Variants in LMNTD1 observed in about 807,000 individuals in gnomAD.
LMNTD1 encodes lamin tail domain containing 1, also known as lamin tail domain-containing protein 1.
A neutral mutation model predicts 50.9 loss-of-function variants in LMNTD1; 35 were observed. That is an observed-to-expected ratio of 0.69 (90% CI 0.53 to 0.91). The LOEUF is 0.91. Ranked by LOEUF, LMNTD1 falls within the 40% of genes least tolerant of loss-of-function variation. The probability of loss-of-function intolerance (pLI) is 0.00; values close to 1 mark genes in which losing one functional copy is unlikely to be tolerated. For synonymous variants in LMNTD1, 153 were observed against 161.9 expected (o/e 0.94, Z 0.42); for missense variants, 470 against 475.5 (o/e 0.99, Z 0.11).
At position 25,634,397 on chromosome 12, in the gene LMNTD1, G is replaced by C. The variant is rs531716368; in HGVS notation, c.58+14097C>G. 6.6e-5 allele frequency among the ~76,000 whole-genome samples: 10 copies of C among 152,196 alleles called. No individual in the cohort carries two copies. In the East Asian group the frequency reaches 1.9e-3, roughly 29 times the overall value. ...GACATAACCAAAAAAGAAAACTACA[G>C]ACCGATATCCTTGATGAACATAGAT... On this transcript the variant is annotated intron_variant, in intron 1 of 7. Coordinates refer to the LMNTD1 transcript ENST00000445693.
chr12:25,516,608 T>A (rs1443015197), intron 8 of LMNTD1, among the ~76,000 whole-genome samples: 2 of 152,196 alleles, frequency 1.3e-5, no homozygotes, highest in African/African-American at 4.8e-5. Context: ...TTCACACACA[T>A]GCACAGAGTT....
intron 4 of LMNTD1, among the ~76,000 whole-genome samples, chr12:25,535,969 T>C (rs1218870322): frequency 2.1e-5 from 3 of 139,862 alleles, no homozygotes; most frequent in Non-Finnish European, 1.6e-5. Flanking sequence ...ACAAAGAATA[T>C]TGCCAGGATA....
At chr12:25,571,674 T>C (rs535795155) in intron 1 of LMNTD1, among the ~76,000 whole-genome samples, 2 of 151,824 alleles carry the variant, frequency 1.3e-5, no homozygotes, top group African/African-American at 4.8e-5. Context: ...TTTCAAAAAA[T>C]ATTTATTTAT....
At chr12:25,590,605 C>A (rs1184817945) in intron 1 of LMNTD1, among the ~76,000 whole-genome samples, 2 of 152,172 alleles carry the variant, frequency 1.3e-5, no homozygotes, top group Non-Finnish European at 2.9e-5. Flanking sequence ...CCTTCCTTAG[C>A]CCCAGGCTGC....
intron 1 of LMNTD1, among the ~76,000 whole-genome samples, chr12:25,627,883 G>A (rs1271189268): frequency 6.6e-6 from 1 of 151,966 alleles, no homozygotes; most frequent in Non-Finnish European, 1.5e-5. Flanking sequence ...GCCGAGACGG[G>A]CGGATCACGA....
chr12:25,567,597 G>A (rs972452674), intron 1 of LMNTD1, among the ~76,000 whole-genome samples: 2 of 152,170 alleles, frequency 1.3e-5, no homozygotes, highest in Non-Finnish European at 2.9e-5. Flanking sequence ...CTCGTGAATG[G>A]TTTAGCAGCA....
At chr12:25,620,778 C>A (rs1161261230) in intron 1 of LMNTD1, among the ~76,000 whole-genome samples, 1 of 152,236 alleles carries the variant, frequency 6.6e-6, no homozygotes, top group Non-Finnish European at 1.5e-5. Context: ...GTAGCTACTA[C>A]TGTTTAGCTT....
At chr12:25,490,301 G>T (rs920494748) in intron 9 of LMNTD1, among the ~76,000 whole-genome samples, 1 of 149,316 alleles carries the variant, frequency 6.7e-6, no homozygotes, top group Admixed American at 6.8e-5. Flanking sequence ...TTCAAAGAGG[G>T]TCTATTGACC....
rs113479355 is a variant in LMNTD1, at chr12:25,617,371, C to T, written c.58+31123G>A. 3.5e-4 allele frequency among the ~76,000 whole-genome samples: 53 copies of T among 152,290 alleles called. 2 individuals are homozygous for T. Among genetic ancestry groups the T allele is most frequent in the African/African-American group, 1.2e-3 (50 of 41,552 alleles). On this transcript the variant is annotated intron_variant, in intron 1 of 7. Transcript: ENST00000445693. ...GAGGTGCCACCAAAACCAGACACTT[C>T]ACTGACATCAGTCAAACCTATAAGG...
At chr12:25,601,604 C>T (rs180779336) in intron 1 of LMNTD1, among the ~76,000 whole-genome samples, 2 of 151,802 alleles carry the variant, frequency 1.3e-5, no homozygotes, top group African/African-American at 2.4e-5. Context: ...CTACTATGTA[C>T]CCACAAAAAT....
In LMNTD1 at chr12:25,506,712, G is replaced by GTACA. The variant is rs1487915308; in HGVS notation, c.1190-2916_1190-2913dup. Among the ~76,000 whole-genome samples, 3 of 149,700 alleles carry GTACA rather than the reference G, an allele frequency of 2.0e-5. No homozygotes were observed. In the East Asian group the frequency reaches 5.9e-4, roughly 29 times the overall value. On this transcript the variant is annotated intron_variant, in intron 8 of 9. Transcript: ENST00000458174. ...TGCCTTTGTGCTCTAACAGCTCCTG[G>GTACA]TACATACTAGATTCTATCAAAAAAT...
rs190893093 is a variant in LMNTD1, at chr12:25,550,508, C to T, written c.90-962G>A. On this transcript the variant is annotated intron_variant, in intron 2 of 9. Transcript: ENST00000458174. Reference sequence around the variant, plus strand: ...GACAAATGGCCAGTTCAGCCATCCCCTTTCTGGGGGTCCACATATCTATCC... The same window carrying T: ...GACAAATGGCCAGTTCAGCCATCCCTTTTCTGGGGGTCCACATATCTATCC... Among the ~76,000 whole-genome samples the T allele has an allele frequency of 6.6e-5, 10 of 152,308 alleles. No homozygotes were observed. In the East Asian group the frequency reaches 1.9e-3, roughly 29 times the overall value.
At chr12:25,556,463 T>A (rs1156688656), upstream of LMNTD1, among the ~76,000 whole-genome samples, 1 of 152,218 alleles carries the variant, frequency 6.6e-6, no homozygotes, top group East Asian at 1.9e-4. Flanking sequence ...CTGTTTCTGC[T>A]TTACTCTTGT....
At chr12:25,583,344 A>AAC (rs11376398) in intron 1 of LMNTD1, among the ~76,000 whole-genome samples, 1 of 151,766 alleles carries the variant, frequency 6.6e-6, no homozygotes, top group Non-Finnish European at 1.5e-5. Flanking sequence ...TTTTTAAAAA[A>AAC]TTTTAGTAGA....
exon 1 of LMNTD1, chr12:25,648,495 G>T (rs1303382759): frequency 6.4e-7 from 1 of 1,551,248 alleles, no homozygotes; most frequent in Non-Finnish European, 8.7e-7. Flanking sequence ...CTCACTTACT[G>T]TGGTGGGTCT....
chr12:25,519,444 C>T (rs568456335), intron 7 of LMNTD1, among the ~76,000 whole-genome samples: 158 of 151,654 alleles, frequency 1.0e-3, no homozygotes, highest in African/African-American at 3.7e-3. Flanking sequence ...AAAAATTAGC[C>T]GGGCGTGGTG....
chr12:25,502,525 A>G (rs1939449764), intron 9 of LMNTD1, among the ~76,000 whole-genome samples: 1 of 152,234 alleles, frequency 6.6e-6, no homozygotes, highest in African/African-American at 2.4e-5. Context: ...AATTCTTGCC[A>G]TTAAAATACC....
Position 25,476,440 on chromosome 12 carries a change from G to A in LMNTD1, c.*43C>T, listed in dbSNP as rs1188118358. 2 of 152,178 alleles carry A rather than the reference G, an allele frequency of 1.3e-5. No individual in the cohort carries two copies. Among genetic ancestry groups the A allele is most frequent in the African/African-American group, 2.4e-5 (1 of 41,448 alleles). The allele number at this position is 152,178 out of a possible 1,614,324, so 9.4% of individuals were successfully genotyped here. A position where few individuals can be genotyped will look rare whatever the true frequency, so the allele number is the denominator to read the frequency against. On this transcript the variant is annotated 3_prime_UTR_variant, in exon 10 of 10. Transcript: ENST00000458174. ...GTTCTCTTTTGCTTTTCTAGTAGCT[G>A]GTTGAGGGTGGACTAGATTACTAGT... is the stretch of plus-strand genomic sequence containing the variant.
intron 1 of LMNTD1, among the ~76,000 whole-genome samples, chr12:25,596,989 A>C (rs902849674): frequency 6.6e-6 from 1 of 152,066 alleles, no homozygotes; most frequent in African/African-American, 2.4e-5. Flanking sequence ...AGTTGTTATC[A>C]GCTTAAAATA....
Sources: gnomAD v4.1 joint callset for allele counts (sites outside exome capture counted in the v4.1 genomes callset) on GRCh38, gnomAD v4.1.1 for gene constraint, MANE v1.5 for transcripts, NCBI Gene and HGNC (gene_info 2026-07-23, HGNC 2026-07-21) for gene names.